Variants in FBXO34 observed in about 807,000 individuals in gnomAD.
The protein encoded by FBXO34 is F-box protein 34, also known as F-box only protein 34.
In FBXO34, 12 loss-of-function variants were observed where a neutral mutation model predicts 24.5. The ratio of observed to expected loss-of-function variants is 0.49; its 90% CI spans 0.31 to 0.79. FBXO34 has a LOEUF of 0.79. FBXO34 is among the 30% of genes least tolerant of loss of function. The pLI, the probability that FBXO34 is intolerant of heterozygous loss-of-function variation, is 0.04. For synonymous variants in FBXO34, 320 were observed against 311.9 expected, an observed-to-expected ratio of 1.03 and a Z score of -0.27; for missense variants, 823 against 857.7, an observed-to-expected ratio of 0.96 and a Z score of 0.51.
downstream of FBXO34, among the ~76,000 whole-genome samples, chr14:55,372,617 C>G (rs892451945): frequency 6.6e-6 from 1 of 151,882 alleles, no homozygotes; most frequent in African/African-American, 2.4e-5. Flanking sequence ...TTCCCTCCCT[C>G]CCTTCCTTTC....
the FBXO34 span, chr14:55,436,920 C>A: frequency 6.2e-7 from 1 of 1,614,116 alleles, no homozygotes; most frequent in South Asian, 1.1e-5. Context: ...CTTCAGGGTT[C>A]GAATTAAATG....
chr14:55,325,724 C>T (rs1324769098), intron 1 of FBXO34: 2 of 152,300 alleles, frequency 1.3e-5, no homozygotes, highest in African/African-American at 4.8e-5. Context: ...AGCCGCCCAC[C>T]TCGGCCTCCC....
At chr14:55,422,812 C>T in the FBXO34 span, among the ~76,000 whole-genome samples, 11,211 of 152,024 alleles carry the variant, frequency 0.074, 426 homozygotes, top group Non-Finnish European at 0.085. Context: ...GAGATCGCGC[C>T]GCCATAGTCC....
At chr14:55,320,147 C>A (rs1461835314) in intron 1 of FBXO34, among the ~76,000 whole-genome samples, 3 of 152,204 alleles carry the variant, frequency 2.0e-5, no homozygotes, top group Non-Finnish European at 4.4e-5. Context: ...TCAAAGCAGA[C>A]CTGCATCTAC....
intron 1 of FBXO34, among the ~76,000 whole-genome samples, chr14:55,327,619 T>G (rs189776463): frequency 2.0e-5 from 3 of 152,158 alleles, no homozygotes; most frequent in Admixed American, 2.0e-4. Flanking sequence ...ATAGGAAAGA[T>G]TTTGGAGAGT....
chr14:55,286,077 A>G (rs1298117735), intron 1 of FBXO34, among the ~76,000 whole-genome samples: 1 of 152,208 alleles, frequency 6.6e-6, no homozygotes, highest in Non-Finnish European at 1.5e-5. Flanking sequence ...TGAAAATTTG[A>G]TTAGTTCTTT....
the FBXO34 span, among the ~76,000 whole-genome samples, chr14:55,376,706 A>AG: frequency 1.3e-5 from 2 of 152,202 alleles, no homozygotes; most frequent in African/African-American, 4.8e-5. Context: ...ATGATGCGGA[A>AG]GGGAAACCCA....
chr14:55,298,720 CGGA>C (rs1882230844), intron 1 of FBXO34: 3 of 1,567,290 alleles, frequency 1.9e-6, no homozygotes, highest in Admixed American at 1.8e-5. Context: ...CTGCGGGACA[CGGA>C]GGAGATGTTA....
chr14:55,409,078 A>T, the FBXO34 span, among the ~76,000 whole-genome samples: 2 of 152,224 alleles, frequency 1.3e-5, no homozygotes, highest in Admixed American at 1.3e-4. Flanking sequence ...AAGAAGGGAG[A>T]TCACTACGTA....
At chr14:55,348,760 T>A (rs912721356) in intron 1 of FBXO34, among the ~76,000 whole-genome samples, 1 of 152,186 alleles carries the variant, frequency 6.6e-6, no homozygotes, top group African/African-American at 2.4e-5. Context: ...TATCCATAAT[T>A]CTTTTATCTG....
At position 55,353,567 on chromosome 14, in the gene FBXO34, C is replaced by CA. The variant is rs1192348795; in HGVS notation, c.*1045dup. The CA allele has an allele frequency of 6.0e-6, 1 of 167,014 alleles. No homozygotes were observed. The highest frequency in any genetic ancestry group is 2.4e-5 in the African/African-American group (1 of 41,442). The allele number at this position is 167,014 out of a possible 1,614,324, so 10.3% of individuals were successfully genotyped here. A position where few individuals can be genotyped will look rare whatever the true frequency, so the allele number is the denominator to read the frequency against. On this transcript the variant is annotated 3_prime_UTR_variant, in exon 2 of 2. Coordinates refer to ENST00000313833, the MANE Select transcript of FBXO34 (RefSeq NM_017943.4). The stretch of plus-strand genomic sequence containing the variant: ...TTGTCTACTTTATCCTGTCTGGTTA[C>CA]AAAATTTTTTAAAACTTAAATAAAA...
intron 1 of FBXO34, among the ~76,000 whole-genome samples, chr14:55,323,185 A>T (rs369677492): frequency 0.51 from 19,591 of 38,050 alleles, 4,294 homozygotes; most frequent in African/African-American, 0.55. Context: ...ACTCTGTCTC[A>T]AAAAAAAAAA....
chr14:55,358,147 C>G (rs1884547922), downstream of FBXO34, among the ~76,000 whole-genome samples: 1 of 152,126 alleles, frequency 6.6e-6, no homozygotes, highest in Non-Finnish European at 1.5e-5. Context: ...TGAGCAATAC[C>G]CTTTCTCTAC....
downstream of FBXO34, among the ~76,000 whole-genome samples, chr14:55,356,787 C>T (rs536842026): frequency 2.0e-5 from 3 of 151,992 alleles, no homozygotes; most frequent in African/African-American, 4.8e-5. Context: ...GGGGGTCTCT[C>T]GCTTAGGCTG....
At chr14:55,300,466 G>A (rs891726400) in intron 1 of FBXO34, among the ~76,000 whole-genome samples, 1 of 152,174 alleles carries the variant, frequency 6.6e-6, no homozygotes, top group East Asian at 1.9e-4. Flanking sequence ...CTGGTGGCAC[G>A]CATCTGTAGT....
At chr14:55,323,017 CAA>C (rs1444620301) in intron 1 of FBXO34, among the ~76,000 whole-genome samples, 3 of 40,876 alleles carry the variant, frequency 7.3e-5, no homozygotes, top group Admixed American at 2.5e-4. Flanking sequence ...ACTAAAAATA[CAA>C]AAAAAAAAAA....
At chr14:55,298,684 T>G in intron 1 of FBXO34, 1 of 1,549,918 alleles carries the variant, frequency 6.5e-7, no homozygotes, top group Non-Finnish European at 8.8e-7. Context: ...AAGGGCGGCC[T>G]GACCCTCCAG....
chr14:55,375,449 AGCAGCTGG>A, the FBXO34 span, among the ~76,000 whole-genome samples: 3 of 150,274 alleles, frequency 2.0e-5, no homozygotes, highest in Non-Finnish European at 3.0e-5. Context: ...CAGCCTCCAC[AGCAGCTGG>A]GACTACAGGC....
At chr14:55,406,130 T>C in the FBXO34 span, among the ~76,000 whole-genome samples, 1 of 152,258 alleles carries the variant, frequency 6.6e-6, no homozygotes, top group East Asian at 1.9e-4. Context: ...TCAAAGGAAC[T>C]AATTAATGTG....
Sources: gnomAD v4.1 joint callset for allele counts (sites outside exome capture counted in the v4.1 genomes callset) on GRCh38, gnomAD v4.1.1 for gene constraint, MANE v1.5 for transcripts, NCBI Gene and HGNC (gene_info 2026-07-23, HGNC 2026-07-21) for gene names.